SYBU: variants seen among roughly 807,000 people sequenced by gnomAD.
SYBU encodes the protein GOLSYN A protein.
A neutral mutation model predicts 35.9 loss-of-function variants in SYBU; 21 were observed. The observed-to-expected ratio is 0.58, with a 90% confidence interval of 0.41 to 0.84. SYBU has a LOEUF of 0.84. SYBU is among the 40% of genes least tolerant of loss of function. SYBU has a pLI of 0.00. For synonymous variants in SYBU, 319 were observed against 324.3 expected (o/e 0.98, Z 0.18); for missense variants, 768 against 848.2 (o/e 0.91, Z 1.17).
At chr8:109,634,295 C>A (rs1282197488) in intron 2 of SYBU, among the ~76,000 whole-genome samples, 1 of 152,156 alleles carries the variant, frequency 6.6e-6, no homozygotes, top group African/African-American at 2.4e-5. Context: ...AAAAAGATCT[C>A]TCTTCTAGAT....
intron 3 of SYBU, among the ~76,000 whole-genome samples, chr8:109,612,397 G>A (rs575921452): frequency 2.0e-5 from 3 of 152,252 alleles, no homozygotes; most frequent in South Asian, 2.1e-4. Flanking sequence ...TTTGAGGCTC[G>A]GGTTTGCTGC....
At chr8:109,595,413 T>A (rs2129930118) in intron 3 of SYBU, among the ~76,000 whole-genome samples, 1 of 152,328 alleles carries the variant, frequency 6.6e-6, no homozygotes, top group South Asian at 2.1e-4. Flanking sequence ...CCAACCCTTC[T>A]TATAGGGTCT....
intron 1 of SYBU, among the ~76,000 whole-genome samples, chr8:109,661,998 G>A (rs3134318): frequency 6.6e-6 from 1 of 152,024 alleles, no homozygotes; most frequent in Admixed American, 6.6e-5. Context: ...TCTCACCTGG[G>A]TGCTGTTATC....
intron 1 of SYBU, among the ~76,000 whole-genome samples, chr8:109,658,779 C>G (rs3134349): frequency 6.6e-6 from 1 of 152,082 alleles, no homozygotes; most frequent in Non-Finnish European, 1.5e-5. Context: ...CAGGGTGAAA[C>G]CCCATCTCTA....
chr8:109,674,266 T>A (rs867493666), intron 1 of SYBU, among the ~76,000 whole-genome samples: 9 of 120,830 alleles, frequency 7.4e-5, no homozygotes, highest in South Asian at 2.8e-4. Flanking sequence ...AAAAAAAAAA[T>A]TTTAAGGGCA....
chr8:109,614,064 A>C (rs771526907), intron 3 of SYBU, among the ~76,000 whole-genome samples: 3 of 152,300 alleles, frequency 2.0e-5, no homozygotes, highest in South Asian at 2.1e-4. Flanking sequence ...ATTCTTGTAA[A>C]TTTTAGTGAC....
chr8:109,684,875 T>C (rs920276952), upstream of SYBU, among the ~76,000 whole-genome samples: 3 of 152,194 alleles, frequency 2.0e-5, no homozygotes, highest in Non-Finnish European at 2.9e-5. Context: ...TTGCCTGCTA[T>C]GAAGAGGGAG....
intron 3 of SYBU, chr8:109,607,812 A>T (rs1735875638): frequency 2.1e-5 from 8 of 385,092 alleles, no homozygotes; most frequent in Middle Eastern, 6.9e-4. Context: ...ACTAACTCAC[A>T]CACACACACA....
chr8:109,602,550 C>T (rs188554679), intron 3 of SYBU, among the ~76,000 whole-genome samples: 10 of 151,682 alleles, frequency 6.6e-5, no homozygotes, highest in African/African-American at 2.2e-4. Flanking sequence ...CCTTCTGCCT[C>T]AGCCTCCTGA....
intron 2 of SYBU, among the ~76,000 whole-genome samples, chr8:109,631,489 T>C (rs1813619817): frequency 6.6e-6 from 1 of 152,170 alleles, no homozygotes; most frequent in African/African-American, 2.4e-5. Context: ...TAAAGGAGGA[T>C]GCAGGGCCAG....
chr8:109,596,515 A>G (rs531489440), intron 3 of SYBU, among the ~76,000 whole-genome samples: 90 of 152,380 alleles, frequency 5.9e-4, no homozygotes, highest in African/African-American at 1.8e-3. Flanking sequence ...TTTACAAAGA[A>G]TGATCACATC....
intron 5 of SYBU, among the ~76,000 whole-genome samples, chr8:109,579,268 C>T (rs1278811080): frequency 6.6e-6 from 1 of 152,152 alleles, no homozygotes; most frequent in Non-Finnish European, 1.5e-5. Context: ...CCTACAATCT[C>T]ATATGAATTA....
intron 6 of SYBU, among the ~76,000 whole-genome samples, chr8:109,576,890 A>G (rs1014512274): frequency 3.3e-5 from 5 of 152,156 alleles, no homozygotes; most frequent in Admixed American, 1.3e-4. Flanking sequence ...TTAGGCTAGA[A>G]TATTTTCCCA....
At chr8:109,595,020 A>G (rs1414392795) in intron 3 of SYBU, among the ~76,000 whole-genome samples, 1 of 152,194 alleles carries the variant, frequency 6.6e-6, no homozygotes, top group African/African-American at 2.4e-5. Context: ...TGTAAGGATG[A>G]TGTAAGATAA....
Position 109,574,680 on chromosome 8 carries a change from G to T in SYBU, c.*226C>A. Reference sequence around the variant, plus strand: ...GACGACACGGCAGGGTCATGAGCATGCTTTCTATACCCCACTGGTGGGACA... The same window carrying T: ...GACGACACGGCAGGGTCATGAGCATTCTTTCTATACCCCACTGGTGGGACA... On this transcript the variant is annotated 3_prime_UTR_variant, in exon 7 of 7. Coordinates refer to ENST00000276646, the MANE Select transcript of SYBU (RefSeq NM_001099754.2). 1 of 423,354 alleles carries T rather than the reference G, an allele frequency of 2.4e-6. No individual in the cohort carries two copies. The highest frequency in any genetic ancestry group is 4.1e-6 in the Non-Finnish European group (1 of 242,598). The allele number at this position is 423,354 out of a possible 1,614,324, so 26.2% of individuals were successfully genotyped here. A position where few individuals can be genotyped will look rare whatever the true frequency, so the allele number is the denominator to read the frequency against.
chr8:109,609,106 G>A (rs1184905167), intron 3 of SYBU, among the ~76,000 whole-genome samples: 1 of 152,174 alleles, frequency 6.6e-6, no homozygotes, highest in African/African-American at 2.4e-5. Flanking sequence ...CTACCTCAAT[G>A]TCTAAATATA....
chr8:109,586,057 T>C lies in SYBU; in HGVS notation c.530+3A>G, dbSNP rs1823578683. 1.2e-6 allele frequency: 2 copies of C among 1,604,634 alleles called. No homozygotes were observed. Among genetic ancestry groups the C allele is most frequent in the African/African-American group, 1.3e-5 (1 of 74,844 alleles). On this transcript the variant is annotated splice_donor_region_variant and intron_variant, in intron 4 of 6. Transcript: ENST00000276646. ...TAATTACAGAGCAGGAGATGGTGCC[T>C]ACTTGCGTGAAGAAGAAGACCGCTT...
chr8:109,639,438 A>C (rs868868769), intron 2 of SYBU, among the ~76,000 whole-genome samples: 2 of 152,200 alleles, frequency 1.3e-5, no homozygotes, highest in African/African-American at 4.8e-5. Flanking sequence ...AGTTCTGAAA[A>C]TGTAATTTTC....
intron 1 of SYBU, among the ~76,000 whole-genome samples, chr8:109,687,149 T>G (rs1324089020): frequency 6.6e-6 from 1 of 152,042 alleles, no homozygotes; most frequent in East Asian, 1.9e-4. Context: ...AATAGAAAAA[T>G]ATTCACTTTA....
Sources: gnomAD v4.1 joint callset for allele counts (sites outside exome capture counted in the v4.1 genomes callset) on GRCh38, gnomAD v4.1.1 for gene constraint, MANE v1.5 for transcripts, NCBI Gene and HGNC (gene_info 2026-07-23, HGNC 2026-07-21) for gene names.